KCNIP4: variants seen among roughly 807,000 people sequenced by gnomAD.
The protein encoded by KCNIP4 is Kv channel-interacting protein 4.
KCNIP4 carries 12 observed loss-of-function variants against 34.0 expected under a neutral mutation model. The observed-to-expected ratio is 0.35, with a 90% CI of 0.23 to 0.57. The LOEUF is 0.57. Among genes scored for constraint, KCNIP4 ranks in the 20% least tolerant of loss-of-function variants. The pLI is 0.83. For missense variants in KCNIP4, 238 were observed against 311.7 expected, an observed-to-expected ratio of 0.76 and a Z score of 1.78; for synonymous variants, 124 against 102.2, an observed-to-expected ratio of 1.21 and a Z score of -1.29.
chr4:21,891,930 G>A (rs1578116410), intron 1 of KCNIP4, among the ~76,000 whole-genome samples: 1 of 152,022 alleles, frequency 6.6e-6, no homozygotes, highest in Non-Finnish European at 1.5e-5. Flanking sequence ...GAGAGTTGTG[G>A]TAAGAATTAT....
chr4:21,473,977 G>C (rs1730691221), intron 1 of KCNIP4, among the ~76,000 whole-genome samples: 1 of 152,094 alleles, frequency 6.6e-6, no homozygotes, highest in Non-Finnish European at 1.5e-5. Flanking sequence ...GCCTCCCAAA[G>C]TGCTGACATT....
At chr4:20,829,305 T>C (rs557694099) in intron 3 of KCNIP4, among the ~76,000 whole-genome samples, 1 of 152,284 alleles carries the variant, frequency 6.6e-6, no homozygotes, top group East Asian at 1.9e-4. Context: ...CCACCCGGGT[T>C]CATGCCATTC....
intron 1 of KCNIP4, among the ~76,000 whole-genome samples, chr4:20,954,261 C>T (rs551840591): frequency 1.8e-4 from 28 of 151,948 alleles, no homozygotes; most frequent in African/African-American, 4.6e-4. Flanking sequence ...GTATTCTGTA[C>T]GAAAGAAACA....
intron 1 of KCNIP4, among the ~76,000 whole-genome samples, chr4:21,032,789 C>T (rs1332428665): frequency 1.9e-5 from 1 of 52,602 alleles, no homozygotes; most frequent in Non-Finnish European, 4.1e-5. Context: ...ACAGGCTAAG[C>T]AACGAGCTCG....
At chr4:21,015,348 A>G (rs1739405252) in intron 1 of KCNIP4, among the ~76,000 whole-genome samples, 1 of 141,710 alleles carries the variant, frequency 7.1e-6, no homozygotes, top group Non-Finnish European at 1.5e-5. Context: ...GATGAGAAAC[A>G]ATGATACTCT....
intron 1 of KCNIP4, among the ~76,000 whole-genome samples, chr4:21,338,264 C>CAAAAAAAAAAAAAAAAAA (rs869150288): frequency 2.0e-5 from 1 of 50,006 alleles, no homozygotes; most frequent in Non-Finnish European, 3.9e-5. Flanking sequence ...GACTCCTTCT[C>CAAAAAAAAAAAAAAAAAA]AAAAAAAAAA....
At chr4:21,408,960 C>A (rs1365062094) in intron 1 of KCNIP4, among the ~76,000 whole-genome samples, 1 of 152,106 alleles carries the variant, frequency 6.6e-6, no homozygotes, top group Non-Finnish European at 1.5e-5. Flanking sequence ...AAAATGGCAA[C>A]CACAGGCCCC....
At chr4:21,328,616 G>A (rs575148183) in intron 1 of KCNIP4, among the ~76,000 whole-genome samples, 9 of 152,228 alleles carry the variant, frequency 5.9e-5, no homozygotes, top group Admixed American at 2.0e-4. Flanking sequence ...TCTTTAGGGC[G>A]CCACCATCAG....
chr4:20,738,924 C>T (rs1266874531), intron 5 of KCNIP4, among the ~76,000 whole-genome samples: 1 of 152,186 alleles, frequency 6.6e-6, no homozygotes, highest in Non-Finnish European at 1.5e-5. Context: ...TAGCAAACGG[C>T]ACACCAGGAG....
chr4:21,058,898 T>C lies in KCNIP4; in HGVS notation c.62-176189A>G, dbSNP rs1743659834. Among the ~76,000 whole-genome samples, 3 of 152,088 alleles carry C rather than the reference T, an allele frequency of 2.0e-5. No individual in the cohort carries two copies. The South Asian group carries it at 6.2e-4, about 32-fold the overall frequency. ...TGACAGTGTCCCCACCCAAATCTCA[T>C]CTTGAATTGTAGCTCCCATAATTCT... On this transcript the variant is annotated intron_variant, in intron 1 of 8. Transcript: ENST00000382152.
chr4:21,506,302 C>A (rs1733842032), intron 1 of KCNIP4, among the ~76,000 whole-genome samples: 1 of 152,124 alleles, frequency 6.6e-6, no homozygotes, highest in South Asian at 2.1e-4. Context: ...CTCTTCATAG[C>A]CACCTGACAT....
chr4:21,265,856 A>T (rs1054726320), intron 1 of KCNIP4, among the ~76,000 whole-genome samples: 12 of 152,212 alleles, frequency 7.9e-5, no homozygotes, highest in Admixed American at 2.0e-4. Context: ...AAACAATTAC[A>T]TATTTAAAAG....
intron 1 of KCNIP4, among the ~76,000 whole-genome samples, chr4:21,128,398 G>A (rs1750789634): frequency 6.6e-6 from 1 of 152,306 alleles, no homozygotes; most frequent in African/African-American, 2.4e-5. Context: ...AATCATAAGT[G>A]TTCAAATAAA....
At chr4:20,949,669 T>C (rs535691473) in intron 1 of KCNIP4, among the ~76,000 whole-genome samples, 115 of 152,192 alleles carry the variant, frequency 7.6e-4, no homozygotes, top group Admixed American at 2.1e-3. Context: ...CATGGAATAC[T>C]ATGCAGCCAT....
chr4:21,370,596 A>G (rs1304348944), intron 1 of KCNIP4, among the ~76,000 whole-genome samples: 1 of 142,992 alleles, frequency 7.0e-6, no homozygotes, highest in Non-Finnish European at 1.5e-5. Context: ...GAAAGTAGGG[A>G]GATTTTCTGG....
At chr4:21,815,804 G>C (rs1043424501) in intron 1 of KCNIP4, among the ~76,000 whole-genome samples, 2 of 152,138 alleles carry the variant, frequency 1.3e-5, no homozygotes, top group African/African-American at 4.8e-5. Context: ...CTCCAAGCCA[G>C]CATATTATCT....
At chr4:21,079,952 G>A (rs1745857075) in intron 1 of KCNIP4, among the ~76,000 whole-genome samples, 1 of 151,860 alleles carries the variant, frequency 6.6e-6, no homozygotes, top group Admixed American at 6.6e-5. Context: ...AATGCACATT[G>A]ATGACATCTG....
intron 1 of KCNIP4, among the ~76,000 whole-genome samples, chr4:21,122,410 C>A (rs1750239757): frequency 1.3e-5 from 2 of 150,100 alleles, no homozygotes; most frequent in South Asian, 4.2e-4. Flanking sequence ...ATTTCTCAAC[C>A]AAAACAATGT....
chr4:21,867,227 T>G (rs187653936), intron 1 of KCNIP4, among the ~76,000 whole-genome samples: 2 of 152,332 alleles, frequency 1.3e-5, no homozygotes, highest in East Asian at 3.9e-4. Context: ...TGCAATAAAC[T>G]GTTGAATTTA....
Sources: allele counts gnomAD v4.1 joint callset (sites outside exome capture counted in the v4.1 genomes callset), GRCh38; gene constraint gnomAD v4.1.1; transcripts MANE v1.5; gene names NCBI Gene and HGNC (gene_info 2026-07-23, HGNC 2026-07-21).